WWOX: variants seen among roughly 807,000 people sequenced by gnomAD.
WWOX encodes WW domain containing oxidoreductase.
WWOX carries 69 observed loss-of-function variants against 46.2 expected under a neutral mutation model. The observed-to-expected ratio is 1.49, with a 90% CI of 1.23 to 1.82. The LOEUF (loss-of-function observed/expected upper bound fraction) is 1.82. WWOX is among the 40% of genes most tolerant of loss of function. The probability of loss-of-function intolerance (pLI) is 0.00; values close to 1 mark genes in which losing one functional copy is unlikely to be tolerated. For missense variants in WWOX, 919 were observed against 542.6 expected, an observed-to-expected ratio of 1.69 and a Z score of -6.89; for synonymous variants, 359 against 202.6, an observed-to-expected ratio of 1.77 and a Z score of -6.56.
At position 79,060,312 on chromosome 16, in the gene WWOX, G is replaced by A. The variant is rs191429628; in HGVS notation, c.1057-151296G>A. On this transcript the variant is annotated intron_variant, in intron 8 of 8. Transcript: ENST00000566780. ...TTGTGCCGGCCACACTGTGAGTGCT[G>A]ACTGTCATGCATTTTATAGCCCATG... Among the ~76,000 whole-genome samples, 456 of 152,348 alleles carry A rather than the reference G, an allele frequency of 3.0e-3. 6 individuals carry two copies. The South Asian group carries it at 0.037, about 12-fold the overall frequency.
Position 78,174,163 on chromosome 16 carries a change from G to A in WWOX, c.516+9874G>A, listed in dbSNP as rs147759170. The stretch of plus-strand genomic sequence containing the variant: ...ATGCTTCTAATAAAGACACACCCAC[G>A]ACTGGGAAGAAAAAGAGGTTTAACT... On this transcript the variant is annotated intron_variant, in intron 5 of 8. Transcript: ENST00000566780. 3.2e-3 allele frequency among the ~76,000 whole-genome samples: 489 copies of A among 152,256 alleles called. 6 individuals are homozygous for A. The highest frequency in any genetic ancestry group is 0.011 in the African/African-American group (453 of 41,542).
intron 8 of WWOX, among the ~76,000 whole-genome samples, chr16:79,043,261 A>C (rs1110898): frequency 6.2e-4 from 95 of 152,142 alleles, no homozygotes; most frequent in African/African-American, 2.2e-3. Flanking sequence ...TTTACAATGA[A>C]CTTCGTGAAT....
At chr16:78,156,445 A>G (rs1216357088) in intron 4 of WWOX, among the ~76,000 whole-genome samples, 1 of 152,210 alleles carries the variant, frequency 6.6e-6, no homozygotes, top group African/African-American at 2.4e-5. Context: ...GAAGAGGGCC[A>G]TCGTGTTGCA....
At chr16:79,075,158 A>C (rs952060200) in intron 8 of WWOX, among the ~76,000 whole-genome samples, 1 of 152,228 alleles carries the variant, frequency 6.6e-6, no homozygotes, top group African/African-American at 2.4e-5. Flanking sequence ...ACTGAATTAG[A>C]ATCTCTGGAA....
intron 8 of WWOX, among the ~76,000 whole-genome samples, chr16:78,704,107 C>A (rs941726536): frequency 6.6e-6 from 1 of 151,860 alleles, no homozygotes; most frequent in South Asian, 2.1e-4. Flanking sequence ...CCACCCAGCA[C>A]GTCATGGTGG....
intron 8 of WWOX, among the ~76,000 whole-genome samples, chr16:79,040,393 G>T (rs577706563): frequency 2.0e-5 from 3 of 150,976 alleles, no homozygotes; most frequent in East Asian, 4.0e-4. Flanking sequence ...TCCTGCCTCA[G>T]CCTCATGAGC....
At chr16:79,035,136 C>G (rs1056831268) in intron 8 of WWOX, among the ~76,000 whole-genome samples, 7 of 152,178 alleles carry the variant, frequency 4.6e-5, no homozygotes, top group East Asian at 1.9e-4. Flanking sequence ...TATCTGTGAT[C>G]TCATCATTTG....
In WWOX at chr16:78,432,770, G is replaced by A. The variant is rs761251857; in HGVS notation, c.1056+18G>A. The A allele has an allele frequency of 1.2e-6, 2 of 1,614,052 alleles. No homozygotes were observed. Among genetic ancestry groups the A allele is most frequent in the Admixed American group, 1.7e-5 (1 of 60,012 alleles). On this transcript the variant is annotated intron_variant, in intron 8 of 8. Transcript: ENST00000566780. ...AGTCCATGGTAAGAGAACAGCTTCT[G>A]GCGCCGCAAACACCTTGGGTCCTAG... is the stretch of plus-strand genomic sequence containing the variant.
chr16:78,150,184 T>C (rs2034350832), intron 4 of WWOX, among the ~76,000 whole-genome samples: 1 of 152,098 alleles, frequency 6.6e-6, no homozygotes, highest in Non-Finnish European at 1.5e-5. Context: ...CTCATAAAAC[T>C]CAGGGAAATA....
chr16:79,154,402 C>G (rs956828988), intron 8 of WWOX, among the ~76,000 whole-genome samples: 1 of 151,846 alleles, frequency 6.6e-6, no homozygotes, highest in Non-Finnish European at 1.5e-5. Context: ...CTTTCACTCT[C>G]ATCCATTTTC....
At chr16:78,705,677 G>T (rs367588431) in intron 8 of WWOX, among the ~76,000 whole-genome samples, 27 of 152,202 alleles carry the variant, frequency 1.8e-4, no homozygotes, top group Non-Finnish European at 2.4e-4. Context: ...TGTTTATTTA[G>T]TTATTTATTT....
intron 6 of WWOX, among the ~76,000 whole-genome samples, chr16:78,388,430 G>A (rs932271168): frequency 1.3e-5 from 2 of 151,354 alleles, no homozygotes; most frequent in African/African-American, 4.9e-5. Flanking sequence ...GGAGGGTCAT[G>A]AGGTCAAGAG....
chr16:78,181,400 A>G (rs1256838616), intron 5 of WWOX, among the ~76,000 whole-genome samples: 2 of 152,210 alleles, frequency 1.3e-5, no homozygotes, highest in Non-Finnish European at 2.9e-5. Context: ...GAAATTGTCT[A>G]ACATAAATCT....
rs193158393 is a variant in WWOX, at chr16:78,389,421, A to G, written c.605+2473A>G. Among the ~76,000 whole-genome samples the G allele has an allele frequency of 2.6e-5, 4 of 152,294 alleles. No homozygotes were observed. The East Asian group carries it at 5.8e-4, about 22-fold the overall frequency. On this transcript the variant is annotated intron_variant, in intron 6 of 8. Coordinates refer to ENST00000566780, the MANE Select transcript of WWOX (RefSeq NM_016373.4). ...CAAGCTGTCACCTCAGTTGTCAGCT[A>G]TTATGGATGGCTGACTCCTCAAACT...
chr16:79,142,746 G>C (rs552976227), intron 8 of WWOX, among the ~76,000 whole-genome samples: 1 of 152,176 alleles, frequency 6.6e-6, no homozygotes, highest in East Asian at 1.9e-4. Context: ...TTCCCTAGGC[G>C]GGACTGCAGT....
intron 4 of WWOX, among the ~76,000 whole-genome samples, chr16:78,120,712 A>G (rs2033051599): frequency 6.6e-6 from 1 of 152,206 alleles, no homozygotes; most frequent in East Asian, 1.9e-4. Flanking sequence ...TGTTGAAATT[A>G]CAGTGTGAAC....
intron 8 of WWOX, among the ~76,000 whole-genome samples, chr16:78,736,457 T>C (rs1289771162): frequency 2.6e-5 from 4 of 152,176 alleles, no homozygotes; most frequent in Non-Finnish European, 5.9e-5. Flanking sequence ...CAAAGTCACC[T>C]TTGCTCTCTC....
chr16:78,531,098 G>C lies in WWOX; in HGVS notation c.1056+98346G>C, dbSNP rs1346523459. On this transcript the variant is annotated intron_variant, in intron 8 of 8. Transcript: ENST00000566780. The stretch of plus-strand genomic sequence containing the variant: ...TGATTTGGTTTGGTTCTTTGGAGTT[G>C]TTTGCATTTCATGAGTCTTGGCATC... Among the ~76,000 whole-genome samples the C allele has an allele frequency of 2.0e-5, 3 of 152,290 alleles. No homozygotes were observed. In the South Asian group the frequency reaches 6.2e-4, roughly 32 times the overall value.
chr16:78,705,959 T>C (rs1208187483), intron 8 of WWOX, among the ~76,000 whole-genome samples: 1 of 152,104 alleles, frequency 6.6e-6, no homozygotes, highest in Non-Finnish European at 1.5e-5. Flanking sequence ...GAACGTGGTT[T>C]AGATGCTGTG....
Sources: gnomAD v4.1 joint callset for allele counts (sites outside exome capture counted in the v4.1 genomes callset) on GRCh38, gnomAD v4.1.1 for gene constraint, MANE v1.5 for transcripts, NCBI Gene and HGNC (gene_info 2026-07-23, HGNC 2026-07-21) for gene names.